TRPC7: variants seen among roughly 807,000 people sequenced by gnomAD.
The protein encoded by TRPC7 is short transient receptor potential channel 7.
Under a neutral mutation model 90.1 loss-of-function variants are expected in TRPC7, and 42 were observed. The observed-to-expected ratio is 0.47, with a 90% CI of 0.36 to 0.60. The LOEUF is 0.60. Ranked by LOEUF, TRPC7 falls within the 20% of genes least tolerant of loss-of-function variation. TRPC7 has a pLI of 0.00. For synonymous variants in TRPC7, 451 were observed against 436.3 expected (o/e 1.03, Z -0.42); for missense variants, 955 against 1,112.3 (o/e 0.86, Z 2.01).
At chr5:136,350,078 C>A (rs1760141549) in intron 2 of TRPC7, among the ~76,000 whole-genome samples, 2 of 152,120 alleles carry the variant, frequency 1.3e-5, no homozygotes, top group Non-Finnish European at 2.9e-5. Flanking sequence ...TGAGCTGTAT[C>A]ATCTAGGTTT....
At chr5:136,292,953 AG>A (rs1758016206) in intron 3 of TRPC7, among the ~76,000 whole-genome samples, 1 of 152,218 alleles carries the variant, frequency 6.6e-6, no homozygotes, top group Admixed American at 6.5e-5. Context: ...ACCATGATCA[AG>A]TGGGCTTCAT....
chr5:136,357,603 C>CAGTATGTCTGAGTAGAA (rs1760434106), intron 1 of TRPC7, among the ~76,000 whole-genome samples: 1 of 152,156 alleles, frequency 6.6e-6, no homozygotes, highest in Non-Finnish European at 1.5e-5. Context: ...TTGTCTGCCT[C>CAGTATGTCTGAGTAGAA]TATACTCCTT....
chr5:136,350,174 T>C (rs573842090), intron 2 of TRPC7, among the ~76,000 whole-genome samples: 1 of 152,302 alleles, frequency 6.6e-6, no homozygotes, highest in African/African-American at 2.4e-5. Context: ...AAGTAACACA[T>C]GACTGTATCC....
chr5:136,292,518 C>T (rs1205150437), intron 3 of TRPC7, among the ~76,000 whole-genome samples: 1 of 152,236 alleles, frequency 6.6e-6, no homozygotes, highest in African/African-American at 2.4e-5. Context: ...ATAAACACCT[C>T]TATGCAAATA....
rs1444487564 is a variant in TRPC7 at position 136,292,864 on chromosome 5, T to C, written c.964-18027A>G. ...CAAAAAAGAGAATTTTATACCAATA[T>C]CCTTGATGAACATTGATGCAAAAAT... On this transcript the variant is annotated intron_variant, in intron 3 of 11. Coordinates refer to ENST00000513104, the MANE Select transcript of TRPC7 (RefSeq NM_020389.3). Among the ~76,000 whole-genome samples the C allele has an allele frequency of 2.0e-5, 3 of 152,182 alleles. No homozygotes were observed. The East Asian group carries it at 5.8e-4, about 29-fold the overall frequency.
At chr5:136,275,579 T>C (rs1373988377) in intron 3 of TRPC7, among the ~76,000 whole-genome samples, 1 of 147,102 alleles carries the variant, frequency 6.8e-6, no homozygotes, top group East Asian at 1.9e-4. Context: ...TTCTGGGACA[T>C]CACACACCCT....
At chr5:136,277,450 C>A (rs1757402403) in intron 3 of TRPC7, among the ~76,000 whole-genome samples, 1 of 152,208 alleles carries the variant, frequency 6.6e-6, no homozygotes, top group Non-Finnish European at 1.5e-5. Context: ...ATCTGGGAAC[C>A]TTTCTGCACT....
Position 136,365,235 on chromosome 5 carries a change from A to G in TRPC7, c.2+18T>C, listed in dbSNP as rs1463336060. The G allele has an allele frequency of 2.6e-6, 4 of 1,536,950 alleles. No individual in the cohort carries two copies. The highest frequency in any genetic ancestry group is 2.7e-5 in the African/African-American group (2 of 73,004). On this transcript the variant is annotated intron_variant, in intron 1 of 11. Transcript: ENST00000513104. ...TGGAAAAAAAAATCAATATGAAAGA[A>G]CCATCATAGCTGCTTACATTGAGGG... is the stretch of plus-strand genomic sequence containing the variant.
chr5:136,332,144 C>T lies in TRPC7; in HGVS notation c.781-16365G>A, dbSNP rs373041409. Among the ~76,000 whole-genome samples, 13 of 151,218 alleles carry T rather than the reference C, an allele frequency of 8.6e-5. No individual in the cohort carries two copies. The East Asian group carries it at 2.5e-3, about 29-fold the overall frequency. ...GAAGGAGGTGAAGGAGAGAGTTACC[C>T]AAATATATAAGGAAAGAATATTCCA... On this transcript the variant is annotated intron_variant, in intron 2 of 11. Transcript: ENST00000513104.
Position 136,356,772 on chromosome 5 carries a change from T to G in TRPC7, c.616A>C (p.Lys206Gln). ...TGGCTGAAGGAGTCTTTCCGCTGTTTCTCGGTGCACTCATTGCACTTGCAG... is the reference window on the plus strand; with the variant it reads ...TGGCTGAAGGAGTCTTTCCGCTGTTGCTCGGTGCACTCATTGCACTTGCAG... ...YFCKCNECTE[K>Q]QRKDSFSHSR... Residue 206 changes from lysine (K) to glutamine (Q), a missense_variant, in exon 2 of 12, where the codon AAA becomes CAA. Lys to Gln is a moderately conservative substitution (Grantham distance 53). This residue lies in a region of TRPC7 where 484 missense variants were observed against 509.6 expected (regional missense o/e 0.95). Coordinates refer to ENST00000513104, the MANE Select transcript of TRPC7 (RefSeq NM_020389.3). 6.2e-7 allele frequency: 1 copy of G among 1,612,076 alleles called. No individual in the cohort carries two copies. Among genetic ancestry groups the G allele is most frequent in the Non-Finnish European group, 8.5e-7 (1 of 1,178,800 alleles).
intron 9 of TRPC7, 137 bp from the exon 10 acceptor site, chr5:136,225,491 G>T: frequency 1.4e-6 from 1 of 738,032 alleles, no homozygotes; most frequent in Non-Finnish European, 2.2e-6. Context: ...TTTACCTGGT[G>T]CTGCTTGGCT....
intron 3 of TRPC7, among the ~76,000 whole-genome samples, chr5:136,277,682 G>C (rs1387647950): frequency 6.6e-6 from 1 of 152,218 alleles, no homozygotes; most frequent in Non-Finnish European, 1.5e-5. Flanking sequence ...AGCGGGGTCA[G>C]AGAGGAACTG....
intron 2 of TRPC7, among the ~76,000 whole-genome samples, chr5:136,317,016 A>C (rs1759045187): frequency 6.6e-6 from 1 of 152,242 alleles, no homozygotes; most frequent in Non-Finnish European, 1.5e-5. Flanking sequence ...TTGCTGTATC[A>C]AAATGTCACT....
At chr5:136,313,030 T>C (rs990838928) in intron 3 of TRPC7, among the ~76,000 whole-genome samples, 7 of 145,264 alleles carry the variant, frequency 4.8e-5, no homozygotes, top group African/African-American at 1.8e-4. Flanking sequence ...TCCCCCAGGC[T>C]GGTCTCAAAC....
intron 3 of TRPC7, among the ~76,000 whole-genome samples, chr5:136,285,109 G>A (rs969994685): frequency 6.6e-6 from 1 of 152,222 alleles, no homozygotes; most frequent in African/African-American, 2.4e-5. Context: ...TAGGAGACAT[G>A]CAGGTAGCTC....
chr5:136,317,905 A>G (rs1759073398), intron 2 of TRPC7, among the ~76,000 whole-genome samples: 1 of 152,228 alleles, frequency 6.6e-6, no homozygotes, highest in African/African-American at 2.4e-5. Context: ...AGTTCAGAAC[A>G]GAAGGTGACA....
At chr5:136,346,958 C>T (rs569509124) in intron 2 of TRPC7, among the ~76,000 whole-genome samples, 1 of 152,154 alleles carries the variant, frequency 6.6e-6, no homozygotes, top group Non-Finnish European at 1.5e-5. Context: ...GATCCTCAAT[C>T]CCAAATGACT....
Position 136,365,263 on chromosome 5 carries a change from T to C in TRPC7, c.-9A>G. On this transcript the variant is annotated 5_prime_UTR_variant, in exon 1 of 12. Transcript: ENST00000513104. ...ATCATAGCTGCTTACATTGAGGGTG[T>C]AATACGCAGGCTTGTTCCTCCTCTA... The C allele has an allele frequency of 1.3e-6, 2 of 1,537,122 alleles. No individual in the cohort carries two copies. Among genetic ancestry groups the C allele is most frequent in the Non-Finnish European group, 1.7e-6 (2 of 1,146,856 alleles).
intron 4 of TRPC7, among the ~76,000 whole-genome samples, chr5:136,273,667 T>C (rs374161658): frequency 2.0e-5 from 3 of 152,308 alleles, no homozygotes; most frequent in African/African-American, 7.2e-5. Context: ...GACACTTTTA[T>C]TAACCACATT....
Sources: gnomAD v4.1 joint callset for allele counts (sites outside exome capture counted in the v4.1 genomes callset) on GRCh38, gnomAD v4.1.1 for gene constraint, gnomAD v4.1.1 regional missense constraint, MANE v1.5 for transcripts, NCBI Gene and HGNC (gene_info 2026-07-23, HGNC 2026-07-21) for gene names.